ARL15: variants seen among roughly 807,000 people sequenced by gnomAD.
The protein encoded by ARL15 is ARF like GTPase 15, also known as ADP-ribosylation factor-like protein 15.
ARL15 carries 19 observed loss-of-function variants against 25.2 expected under a neutral mutation model. The observed-to-expected ratio is 0.75, with a 90% CI of 0.53 to 1.10. The LOEUF is 1.10. ARL15 is among the 50% of genes least tolerant of loss of function. The probability of loss-of-function intolerance (pLI) is 0.00; values close to 1 mark genes in which losing one functional copy is unlikely to be tolerated. For missense variants in ARL15, 220 were observed against 246.0 expected (o/e 0.89, Z 0.71); for synonymous variants, 94 against 86.8 (o/e 1.08, Z -0.46).
At chr5:54,060,150 A>C (rs1002187888) in intron 4 of ARL15, among the ~76,000 whole-genome samples, 3 of 148,204 alleles carry the variant, frequency 2.0e-5, no homozygotes, top group African/African-American at 7.8e-5. Context: ...AAAAAAAAAA[A>C]AACCCCGGGT....
chr5:53,945,745 C>T (rs1746703923), intron 4 of ARL15, among the ~76,000 whole-genome samples: 1 of 152,088 alleles, frequency 6.6e-6, no homozygotes, highest in Non-Finnish European at 1.5e-5. Flanking sequence ...AAATATATGG[C>T]CATTGCTATT....
At chr5:53,914,552 T>A (rs1561147166) in intron 4 of ARL15, among the ~76,000 whole-genome samples, 1 of 152,138 alleles carries the variant, frequency 6.6e-6, no homozygotes, top group Non-Finnish European at 1.5e-5. Flanking sequence ...ATTCGTCCAT[T>A]CATTTCCCCT....
intron 3 of ARL15, among the ~76,000 whole-genome samples, chr5:54,152,894 A>T (rs1754111316): frequency 6.6e-6 from 1 of 152,188 alleles, no homozygotes; most frequent in African/African-American, 2.4e-5. Flanking sequence ...CATTGTACTG[A>T]ATTTTGATGG....
chr5:53,919,064 A>T (rs1266007501), intron 4 of ARL15, among the ~76,000 whole-genome samples: 1 of 152,190 alleles, frequency 6.6e-6, no homozygotes, highest in African/African-American at 2.4e-5. Flanking sequence ...TCACTGGGCA[A>T]CTGTACAGGA....
At chr5:54,124,036 G>C (rs752273141) in intron 3 of ARL15, among the ~76,000 whole-genome samples, 3 of 152,088 alleles carry the variant, frequency 2.0e-5, no homozygotes, top group Non-Finnish European at 4.4e-5. Flanking sequence ...AGGAGAAAAG[G>C]GAGAGAGACA....
intron 4 of ARL15, among the ~76,000 whole-genome samples, chr5:53,921,786 CA>C (rs928924237): frequency 8.5e-5 from 13 of 152,060 alleles, no homozygotes; most frequent in Non-Finnish European, 1.5e-4. Context: ...CAAAACAAAA[CA>C]AAAAATCATT....
intron 4 of ARL15, among the ~76,000 whole-genome samples, chr5:53,977,820 T>C (rs1237462839): frequency 6.6e-6 from 1 of 152,160 alleles, no homozygotes; most frequent in Non-Finnish European, 1.5e-5. Flanking sequence ...TGGTACCCTG[T>C]ATGACCTTGG....
intron 1 of ARL15, among the ~76,000 whole-genome samples, chr5:54,247,506 G>A (rs1011739145): frequency 2.7e-5 from 4 of 149,528 alleles, no homozygotes. Context: ...AAAAACAAAT[G>A]TCACTGTCCC....
chr5:53,969,049 C>A (rs962472779), intron 4 of ARL15, among the ~76,000 whole-genome samples: 1 of 151,874 alleles, frequency 6.6e-6, no homozygotes, highest in Non-Finnish European at 1.5e-5. Context: ...ACTCAGGAGG[C>A]TGAGGCAGGA....
At chr5:54,070,132 AG>A in intron 4 of ARL15, among the ~76,000 whole-genome samples, 1 of 149,858 alleles carries the variant, frequency 6.7e-6, no homozygotes, top group Non-Finnish European at 1.5e-5. Context: ...GGCTCACGCC[AG>A]TAATCCCAGC....
chr5:54,284,534 G>A (rs1387709154), intron 1 of ARL15, among the ~76,000 whole-genome samples: 7 of 152,220 alleles, frequency 4.6e-5, no homozygotes, highest in Admixed American at 4.6e-4. Flanking sequence ...CACCTATCAT[G>A]AGAGAATTAA....
chr5:54,196,299 G>C lies in ARL15; in HGVS notation c.49-24371C>G, dbSNP rs577811144. ...GCTTGGTAGCAGACAGGAGAAGGTA[G>C]GCTGCAGCTTTTTCCACTATTTAGA... On this transcript the variant is annotated intron_variant, in intron 1 of 4. Transcript: ENST00000504924. 3.3e-5 allele frequency among the ~76,000 whole-genome samples: 5 copies of C among 152,154 alleles called. No individual in the cohort carries two copies. In the South Asian group the frequency reaches 1.0e-3, roughly 32 times the overall value.
chr5:54,208,349 G>A (rs1321731636), intron 1 of ARL15, among the ~76,000 whole-genome samples: 3 of 151,964 alleles, frequency 2.0e-5, no homozygotes, highest in Non-Finnish European at 4.4e-5. Flanking sequence ...TAAACTTGGG[G>A]TATGCAGAAC....
At chr5:53,941,493 A>C (rs1368830909) in intron 4 of ARL15, among the ~76,000 whole-genome samples, 5 of 152,330 alleles carry the variant, frequency 3.3e-5, no homozygotes, top group Middle Eastern at 3.4e-3. Context: ...TTTTCTTAAG[A>C]ATCAAAAAAG....
At chr5:54,062,009 G>A (rs1751079533) in intron 4 of ARL15, among the ~76,000 whole-genome samples, 1 of 152,188 alleles carries the variant, frequency 6.6e-6, no homozygotes, top group African/African-American at 2.4e-5. Flanking sequence ...TGTGCGACCT[G>A]GATATGACAC....
rs866358076 is a variant in ARL15, at chr5:53,992,685, C to T, written c.463-105972G>A. On this transcript the variant is annotated intron_variant, in intron 4 of 4. Transcript: ENST00000504924. ...GTACCAACAATGTCATGGACTCTAC[C>T]ATGTTAGATGCCCATCCATCTCAAA... Among the ~76,000 whole-genome samples, 16 of 151,918 alleles carry T rather than the reference C, an allele frequency of 1.1e-4. No homozygotes were observed. The South Asian group carries it at 1.2e-3, about 12-fold the overall frequency.
intron 1 of ARL15, among the ~76,000 whole-genome samples, chr5:54,241,274 A>C (rs1179048883): frequency 6.6e-6 from 1 of 152,264 alleles, no homozygotes; most frequent in East Asian, 1.9e-4. Context: ...AAAACCTAAC[A>C]TCTAAAAAAT....
intron 3 of ARL15, among the ~76,000 whole-genome samples, chr5:54,150,166 C>A (rs976851119): frequency 9.2e-5 from 14 of 152,196 alleles, no homozygotes; most frequent in African/African-American, 3.1e-4. Context: ...CTTTCTAGAA[C>A]TGAGCCTGGC....
At chr5:54,052,421 T>C (rs376554683) in intron 4 of ARL15, among the ~76,000 whole-genome samples, 1 of 152,266 alleles carries the variant, frequency 6.6e-6, no homozygotes, top group South Asian at 2.1e-4. Context: ...TAAGTAACTC[T>C]TGAAGAAAGG....
Sources: gnomAD v4.1 joint callset for allele counts (sites outside exome capture counted in the v4.1 genomes callset) on GRCh38, gnomAD v4.1.1 for gene constraint, MANE v1.5 for transcripts, NCBI Gene and HGNC (gene_info 2026-07-23, HGNC 2026-07-21) for gene names.